DPP8: variants seen among roughly 807,000 people sequenced by gnomAD.
DPP8 encodes DPP VIII.
DPP8 carries 31 observed loss-of-function variants against 107.5 expected under a neutral mutation model. That is an observed-to-expected ratio of 0.29 (90% CI 0.22 to 0.39). The LOEUF (loss-of-function observed/expected upper bound fraction) is 0.39, where lower values mean the gene tolerates loss of function less well. Ranked by LOEUF, DPP8 falls within the 10% of genes least tolerant of loss-of-function variation. DPP8 has a pLI of 1.00. For synonymous variants in DPP8, 381 were observed against 356.6 expected, an observed-to-expected ratio of 1.07 and a Z score of -0.77; for missense variants, 842 against 1,076.1, an observed-to-expected ratio of 0.78 and a Z score of 3.04.
rs768847904 is a variant in DPP8, at chr15:65,512,460, A to G, written c.94T>C (p.Leu32=). 1 of 1,614,144 alleles carries G rather than the reference A, an allele frequency of 6.2e-7. No individual in the cohort carries two copies. Among genetic ancestry groups the G allele is most frequent in the East Asian group, 2.2e-5 (1 of 44,886 alleles). ...ENIESQDRPK[L]EPFYVERYSW... ...TACCGCTCAACATAAAAAGGCTCCA[A>G]TTTAGGCCGATCCTGTGATTCAATA... The change falls in exon 2 of 20, where the codon TTG becomes CTG. Residue 32 remains leucine, a synonymous_variant. Transcript: ENST00000300141.
intron 8 of DPP8, among the ~76,000 whole-genome samples, chr15:65,483,362 G>A (rs988051103): frequency 2.0e-5 from 3 of 151,648 alleles, no homozygotes; most frequent in East Asian, 1.9e-4. Context: ...CTGTCGCTAC[G>A]AAAAATAAAA....
At chr15:65,452,429 GT>G (rs1337777332) in intron 17 of DPP8, among the ~76,000 whole-genome samples, 9 of 151,802 alleles carry the variant, frequency 5.9e-5, no homozygotes, top group Non-Finnish European at 8.8e-5. Context: ...AGAACTGTCA[GT>G]TTTATGTAAA....
chr15:65,505,447 T>C (rs1283531743), intron 3 of DPP8, among the ~76,000 whole-genome samples: 1 of 152,134 alleles, frequency 6.6e-6, no homozygotes, highest in African/African-American at 2.4e-5. Flanking sequence ...TAAGATTTAA[T>C]CCTTGTTGAA....
rs201203376 is a variant in DPP8 at position 65,512,561 on chromosome 15, T to C, written c.-8A>G. ...TTCCATTGCTGCTGCCATGTTGCATTTTCCTAGAAAAACAAGGCACATGAA... is the reference window on the plus strand; with the variant it reads ...TTCCATTGCTGCTGCCATGTTGCATCTTCCTAGAAAAACAAGGCACATGAA... On this transcript the variant is annotated 5_prime_UTR_variant, in exon 2 of 20. Coordinates refer to ENST00000300141, the MANE Select transcript of DPP8 (RefSeq NM_130434.5). 4.0e-4 allele frequency: 652 copies of C among 1,614,026 alleles called. 6 individuals are homozygous for C. In the South Asian group the frequency reaches 4.5e-3, roughly 11 times the overall value.
intron 8 of DPP8, among the ~76,000 whole-genome samples, 163 bp downstream of exon 8, chr15:65,484,936 G>A (rs1333859418): frequency 6.6e-6 from 1 of 152,096 alleles, no homozygotes; most frequent in Non-Finnish European, 1.5e-5. Context: ...TGAACCAGCA[G>A]GATGATTTGC....
chr15:65,488,579 GC>G lies in DPP8; in HGVS notation c.827-762del, dbSNP rs759696384. ...GCTGAGATTGCACCACTGCACTCCA[GC>G]CTGCACAACAGAGACCCTGCCTCAA... On this transcript the variant is annotated intron_variant, in intron 6 of 19. Transcript: ENST00000300141. Among the ~76,000 whole-genome samples, 675 of 117,832 alleles carry G rather than the reference GC, an allele frequency of 5.7e-3. 8 individuals carry two copies. Among genetic ancestry groups the G allele is most frequent in the Middle Eastern group, 7.5e-3 (1 of 134 alleles). The allele number at this position is 117,832 out of a possible 152,430, so 77.3% of individuals were successfully genotyped here. A position where few individuals can be genotyped will look rare whatever the true frequency, so the allele number is the denominator to read the frequency against.
At chr15:65,472,080 A>AT (rs1227605530) in intron 12 of DPP8, among the ~76,000 whole-genome samples, 2 of 151,666 alleles carry the variant, frequency 1.3e-5, no homozygotes, top group Admixed American at 6.6e-5. Context: ...CAAAAACGCA[A>AT]TTTTTTTTTC....
Position 65,480,261 on chromosome 15 carries a change from T to A in DPP8, c.1257A>T (p.Pro419=). 6.2e-7 allele frequency: 1 copy of A among 1,613,852 alleles called. No individual in the cohort carries two copies. Among genetic ancestry groups the A allele is most frequent in the Non-Finnish European group, 8.5e-7 (1 of 1,179,942 alleles). ...CTGTTGTTTCTTCATAGATAATTAG[T>A]GGCGTCACAGAATCAGGCACTGACT... is the stretch of plus-strand genomic sequence containing the variant. ...LIESVPDSVT[P]LIIYEETTDI... is the part of the protein sequence containing the mutation. The change falls in exon 10 of 20, where the codon CCA becomes CCT. Residue 419 remains proline, a synonymous_variant. Coordinates refer to ENST00000300141, the MANE Select transcript of DPP8 (RefSeq NM_130434.5).
At chr15:65,456,164 C>G in intron 16 of DPP8, 61 bp downstream of exon 16, 1 of 1,567,840 alleles carries the variant, frequency 6.4e-7, no homozygotes, top group Non-Finnish European at 8.7e-7. Flanking sequence ...GGGTTTCACA[C>G]CAAACAATGG....
intron 1 of DPP8, among the ~76,000 whole-genome samples, chr15:65,514,227 A>T (rs1259884985): frequency 6.6e-6 from 1 of 152,204 alleles, no homozygotes; most frequent in Non-Finnish European, 1.5e-5. Flanking sequence ...CATTTTCAAT[A>T]TAACAGTAAC....
intron 2 of DPP8, among the ~76,000 whole-genome samples, chr15:65,509,968 C>T (rs1171958763): frequency 1.3e-5 from 2 of 152,100 alleles, no homozygotes; most frequent in African/African-American, 2.4e-5. Flanking sequence ...TTGCAGTTAG[C>T]CAGGATCACA....
chr15:65,495,659 G>C (rs1272062584), intron 5 of DPP8, among the ~76,000 whole-genome samples: 1 of 151,520 alleles, frequency 6.6e-6, no homozygotes, highest in Non-Finnish European at 1.5e-5. Flanking sequence ...CCAGCACTTT[G>C]GGAGGCCGAG....
chr15:65,466,656 G>A (rs1228272792), intron 14 of DPP8, 22 bp downstream of exon 14: 1 of 1,609,222 alleles, frequency 6.2e-7, no homozygotes, highest in Admixed American at 1.7e-5. Context: ...TTAACGTCAG[G>A]ATCAGGGGGA....
At chr15:65,475,681 A>G (rs147107888) in intron 11 of DPP8, 6 of 609,504 alleles carry the variant, frequency 9.8e-6, no homozygotes, top group East Asian at 3.7e-5. Context: ...TGTTTAATAC[A>G]ATTGTTCTTC....
intron 3 of DPP8, among the ~76,000 whole-genome samples, chr15:65,504,667 CAAA>C (rs371246881): frequency 9.2e-6 from 1 of 108,880 alleles, no homozygotes. Context: ...GATTCCGTCT[CAAA>C]AAAAAAAAAA....
At chr15:65,479,874 A>AAGAATTG (rs1567207990) in intron 10 of DPP8, among the ~76,000 whole-genome samples, 21 of 146,080 alleles carry the variant, frequency 1.4e-4, no homozygotes, top group African/African-American at 5.4e-4. Flanking sequence ...AAAAAAAAAA[A>AAGAATTG]AGAATTGGTA....
At chr15:65,491,846 C>T (rs1482361648) in intron 5 of DPP8, among the ~76,000 whole-genome samples, 1 of 152,152 alleles carries the variant, frequency 6.6e-6, no homozygotes, top group East Asian at 1.9e-4. Context: ...CATTCTCCTG[C>T]CTCAGCCTCC....
intron 2 of DPP8, among the ~76,000 whole-genome samples, chr15:65,510,374 GGATT>G (rs2070611074): frequency 6.6e-6 from 1 of 151,892 alleles, no homozygotes; most frequent in African/African-American, 2.4e-5. Flanking sequence ...ATCCCACAAA[GGATT>G]AATTCACTTA....
At chr15:65,468,331 C>T (rs1413576885) in intron 12 of DPP8, among the ~76,000 whole-genome samples, 1 of 151,850 alleles carries the variant, frequency 6.6e-6, no homozygotes, top group African/African-American at 2.4e-5. Flanking sequence ...CCCATTTCTA[C>T]AAAAAATGAA....
Sources: gnomAD v4.1 joint callset for allele counts (sites outside exome capture counted in the v4.1 genomes callset) on GRCh38, gnomAD v4.1.1 for gene constraint, MANE v1.5 for transcripts, NCBI Gene and HGNC (gene_info 2026-07-23, HGNC 2026-07-21) for gene names.